The following CCDC38 variants were observed in gnomAD, a reference collection of about 807,000 sequenced individuals.
CCDC38 encodes the protein coiled-coil domain-containing protein 38.
In CCDC38, 69 loss-of-function variants were observed where a neutral mutation model predicts 72.8. The observed-to-expected ratio is 0.95, with a 90% CI of 0.78 to 1.16. The LOEUF is 1.16. Ranked by LOEUF, CCDC38 falls within the 50% of genes most tolerant of loss-of-function variation. CCDC38 has a pLI of 0.00. For synonymous variants in CCDC38, 201 were observed against 213.2 expected (o/e 0.94, Z 0.50); for missense variants, 626 against 638.9 (o/e 0.98, Z 0.22).
intron 8 of CCDC38, among the ~76,000 whole-genome samples, chr12:95,894,616 T>G (rs1291278931): frequency 1.3e-5 from 2 of 152,168 alleles, no homozygotes; most frequent in Non-Finnish European, 2.9e-5. Flanking sequence ...CCGTTGCTTC[T>G]CCTTGCACCA....
In CCDC38 at chr12:95,878,196, CA is replaced by C; in HGVS notation, c.1278+14del. 1.2e-6 allele frequency: 2 copies of C among 1,611,832 alleles called. No individual in the cohort carries two copies. Among genetic ancestry groups the C allele is most frequent in the Non-Finnish European group, 1.7e-6 (2 of 1,179,276 alleles). ...TGAGCCAAAATGAAATCACCATAGG[CA>C]AAGAGTGATTTACCTGAGCATCTGA... On this transcript the variant is annotated intron_variant, in intron 13 of 15. Transcript: ENST00000344280.
intron 10 of CCDC38, chr12:95,885,894 T>G (rs1326375658): frequency 6.6e-6 from 1 of 152,214 alleles, no homozygotes; most frequent in African/African-American, 2.4e-5. Flanking sequence ...GTTGTATCTG[T>G]CCAAAGATAA....
At chr12:95,933,961 C>A (rs999157919) in intron 2 of CCDC38, 2 of 152,002 alleles carry the variant, frequency 1.3e-5, no homozygotes, top group Admixed American at 1.3e-4. Flanking sequence ...ATCGCTTGAA[C>A]CCGAGAATTC....
At chr12:95,893,440 TC>T (rs1484506836) in intron 8 of CCDC38, among the ~76,000 whole-genome samples, 166 of 86,150 alleles carry the variant, frequency 1.9e-3, no homozygotes, top group African/African-American at 6.6e-3. Flanking sequence ...CCTCCCTCCC[TC>T]CCTTCCTTCC....
chr12:95,940,872 A>G (rs2080442290), intron 1 of CCDC38, among the ~76,000 whole-genome samples: 1 of 89,874 alleles, frequency 1.1e-5, no homozygotes, highest in Non-Finnish European at 2.1e-5. Flanking sequence ...TGCGAAGTGA[A>G]AAAAAACAAA....
At chr12:95,921,904 T>A (rs926866197) in intron 2 of CCDC38, among the ~76,000 whole-genome samples, 2 of 152,118 alleles carry the variant, frequency 1.3e-5, no homozygotes, top group African/African-American at 4.8e-5. Flanking sequence ...ATCACTAGAA[T>A]CATTTTGGCT....
chr12:95,871,912 G>A (rs2079584650), intron 14 of CCDC38, among the ~76,000 whole-genome samples: 1 of 152,086 alleles, frequency 6.6e-6, no homozygotes, highest in South Asian at 2.1e-4. Flanking sequence ...AAATTTTCAT[G>A]TAATTACTTA....
chr12:95,903,238 T>C (rs1020727477), intron 5 of CCDC38, among the ~76,000 whole-genome samples: 4 of 152,172 alleles, frequency 2.6e-5, no homozygotes, highest in African/African-American at 4.8e-5. Context: ...TTTCTGTAAA[T>C]TGACCTTGCT....
At chr12:95,912,180 G>T (rs10859980) in intron 4 of CCDC38, among the ~76,000 whole-genome samples, 59,931 of 151,990 alleles carry the variant, frequency 0.39, 15,991 homozygotes, top group African/African-American at 0.73. Flanking sequence ...CACATGGACA[G>T]AAAGATGGGA....
chr12:95,919,419 A>G (rs1369025575), intron 2 of CCDC38: 5 of 422,188 alleles, frequency 1.2e-5, no homozygotes, highest in Non-Finnish European at 9.5e-6. Flanking sequence ...CTTCTACGTT[A>G]GGGTTTTAAT....
intron 4 of CCDC38, among the ~76,000 whole-genome samples, chr12:95,910,270 G>C (rs1231506975): frequency 6.6e-6 from 1 of 151,398 alleles, no homozygotes; most frequent in Non-Finnish European, 1.5e-5. Context: ...TTTGAGCTGA[G>C]AGCCAAATCA....
At chr12:95,932,756 C>T (rs1273497321) in intron 2 of CCDC38, among the ~76,000 whole-genome samples, 2 of 152,128 alleles carry the variant, frequency 1.3e-5, no homozygotes, top group Non-Finnish European at 2.9e-5. Flanking sequence ...ACGAGTTTCT[C>T]TAAATAAACT....
At chr12:95,912,997 C>T (rs1045947028) in intron 4 of CCDC38, among the ~76,000 whole-genome samples, 1 of 151,866 alleles carries the variant, frequency 6.6e-6, no homozygotes. Context: ...GCCAGGAGGT[C>T]GAGGCTGTAG....
chr12:95,867,765 C>T (rs2079537939), intron 15 of CCDC38, among the ~76,000 whole-genome samples: 1 of 152,152 alleles, frequency 6.6e-6, no homozygotes, highest in Non-Finnish European at 1.5e-5. Context: ...TTATTTTTCT[C>T]TTTACTTTTG....
chr12:95,911,978 A>G (rs775352552), intron 4 of CCDC38, among the ~76,000 whole-genome samples: 1 of 152,236 alleles, frequency 6.6e-6, no homozygotes, highest in Non-Finnish European at 1.5e-5. Flanking sequence ...ATGCCCATCA[A>G]CAGTGGACTG....
intron 2 of CCDC38, among the ~76,000 whole-genome samples, chr12:95,922,072 G>A (rs2080215446): frequency 6.6e-6 from 1 of 152,220 alleles, no homozygotes; most frequent in Non-Finnish European, 1.5e-5. Flanking sequence ...GTCTACCTGA[G>A]AAGCAGCCAT....
intron 2 of CCDC38, among the ~76,000 whole-genome samples, chr12:95,920,897 G>C (rs957776041): frequency 3.9e-5 from 6 of 152,152 alleles, no homozygotes; most frequent in African/African-American, 1.4e-4. Context: ...CGGAGGCCGA[G>C]GTGGGTGGAT....
At chr12:95,908,624 A>G (rs2080051582) in intron 4 of CCDC38, among the ~76,000 whole-genome samples, 1 of 782 alleles carries the variant, frequency 1.3e-3, no homozygotes, top group Non-Finnish European at 1.7e-3. Context: ...AGGGAGAGGG[A>G]GAGGGAGAGG....
intron 5 of CCDC38, 94 bp from the exon 6 acceptor site, chr12:95,898,825 A>T: frequency 8.2e-7 from 1 of 1,215,612 alleles, no homozygotes; most frequent in Non-Finnish European, 1.2e-6. Flanking sequence ...TTTGTATTAG[A>T]AATAATAGTA....
Sources: gnomAD v4.1 joint callset for allele counts (sites outside exome capture counted in the v4.1 genomes callset) on GRCh38, gnomAD v4.1.1 for gene constraint, MANE v1.5 for transcripts, NCBI Gene and HGNC (gene_info 2026-07-23, HGNC 2026-07-21) for gene names.